The following CCDC171 variants were observed in gnomAD, a reference collection of about 807,000 sequenced individuals.
CCDC171 encodes the protein coiled-coil domain-containing protein 171.
A neutral mutation model predicts 168.2 loss-of-function variants in CCDC171; 177 were observed. The ratio of observed to expected loss-of-function variants is 1.05; its 90% CI spans 0.93 to 1.19. The LOEUF is 1.19. CCDC171 is among the 50% of genes most tolerant of loss of function. The pLI is 0.00. For synonymous variants in CCDC171, 687 were observed against 540.8 expected (o/e 1.27, Z -3.75); for missense variants, 1,991 against 1,539.0 (o/e 1.29, Z -4.91).
chr9:15,689,580 G>A (rs368398070), intron 10 of CCDC171, among the ~76,000 whole-genome samples: 55 of 152,064 alleles, frequency 3.6e-4, no homozygotes, highest in African/African-American at 1.2e-3. Context: ...GTGTGATGGC[G>A]CGTATCTGTA....
Position 15,558,082 on chromosome 9 carries a change from T to A in CCDC171, c.-112+4780T>A, listed in dbSNP as rs12683174. Among the ~76,000 whole-genome samples the A allele has an allele frequency of 2.2e-4, 34 of 152,308 alleles. No homozygotes were observed. In the East Asian group the frequency reaches 5.8e-3, roughly 26 times the overall value. ...TTGAACCAGCCTTCCATCCCAGGGA[T>A]GAAGCCAACTTGATCGTGGTGGATA... On this transcript the variant is annotated intron_variant, in intron 1 of 25. Transcript: ENST00000380701.
chr9:15,667,966 AATGTATTCAAATATTATTCAAAT>A (rs1189017566), intron 9 of CCDC171, among the ~76,000 whole-genome samples: 3 of 152,294 alleles, frequency 2.0e-5, no homozygotes, highest in East Asian at 3.9e-4. Context: ...AATACATTTG[AATGTATTCAAATATTATTCAAAT>A]ATGTATTCAA....
intron 1 of CCDC171, among the ~76,000 whole-genome samples, chr9:15,561,002 G>C (rs961181822): frequency 2.6e-5 from 4 of 152,130 alleles, no homozygotes; most frequent in Non-Finnish European, 5.9e-5. Flanking sequence ...TTCAGACCCT[G>C]TTTGCCTGGA....
chr9:15,576,029 T>A (rs1172180543), intron 3 of CCDC171, among the ~76,000 whole-genome samples: 1 of 151,520 alleles, frequency 6.6e-6, no homozygotes, highest in Admixed American at 6.6e-5. Context: ...GAGGCAGAGG[T>A]TGCAGTGAGC....
intron 1 of CCDC171, among the ~76,000 whole-genome samples, chr9:16,045,908 A>C (rs905311716): frequency 6.6e-6 from 1 of 152,206 alleles, no homozygotes. Flanking sequence ...TGGGATATAC[A>C]CATTCTCAGA....
At chr9:15,946,155 T>C (rs952307809) in intron 25 of CCDC171, among the ~76,000 whole-genome samples, 89 of 152,090 alleles carry the variant, frequency 5.9e-4, no homozygotes, top group Non-Finnish European at 6.5e-4. Flanking sequence ...CCCCATTGCT[T>C]GTTTTTCTCA....
intron 1 of CCDC171, among the ~76,000 whole-genome samples, chr9:15,559,500 CTCTTTTGA>C (rs978140658): frequency 2.6e-5 from 4 of 152,068 alleles, no homozygotes; most frequent in African/African-American, 7.2e-5. Flanking sequence ...CCTTCTTTGT[CTCTTTTGA>C]TCTTTGTTAG....
chr9:15,986,290 A>G (rs1831984647), intron 3 of CCDC171, among the ~76,000 whole-genome samples: 1 of 152,252 alleles, frequency 6.6e-6, no homozygotes, highest in African/African-American at 2.4e-5. Flanking sequence ...ACACAAGCTG[A>G]TAACTAGTGT....
intron 21 of CCDC171, among the ~76,000 whole-genome samples, chr9:15,826,598 G>T (rs899526093): frequency 1.4e-4 from 22 of 152,266 alleles, no homozygotes; most frequent in African/African-American, 5.3e-4. Context: ...GAAAGCCTGG[G>T]TCACATCGTG....
At chr9:16,081,658 AT>A in the CCDC171 span, among the ~76,000 whole-genome samples, 15 of 151,432 alleles carry the variant, frequency 9.9e-5, no homozygotes, top group African/African-American at 3.1e-4. Context: ...GGGGTAATAC[AT>A]TTTTTTTTAT....
At chr9:15,852,223 C>T (rs1031213479) in intron 23 of CCDC171, among the ~76,000 whole-genome samples, 8 of 151,738 alleles carry the variant, frequency 5.3e-5, no homozygotes, top group African/African-American at 1.7e-4. Flanking sequence ...TCTTATTTTT[C>T]CACATCCTTG....
chr9:15,987,351 C>T (rs1224368559), intron 3 of CCDC171, among the ~76,000 whole-genome samples: 3 of 152,020 alleles, frequency 2.0e-5, no homozygotes, highest in Admixed American at 6.6e-5. Flanking sequence ...CAAAATCATC[C>T]ATATTCCAAA....
chr9:16,059,606 C>G, intron 1 of CCDC171, among the ~76,000 whole-genome samples: 1 of 147,340 alleles, frequency 6.8e-6, no homozygotes, highest in Non-Finnish European at 1.5e-5. Context: ...GCTCCGCTTC[C>G]CAGGTTCACG....
intron 23 of CCDC171, among the ~76,000 whole-genome samples, chr9:15,852,300 T>A (rs189814596): frequency 7.8e-4 from 118 of 151,974 alleles, no homozygotes; most frequent in African/African-American, 2.7e-3. Context: ...TATCTCACTA[T>A]GGTTTTGATT....
At chr9:16,001,308 T>C (rs924577293) in intron 3 of CCDC171, among the ~76,000 whole-genome samples, 3 of 152,138 alleles carry the variant, frequency 2.0e-5, no homozygotes, top group Admixed American at 6.6e-5. Context: ...CCTCTCTCTC[T>C]TGAAGAAAAC....
rs183867978 is a variant in CCDC171, at chr9:15,602,760, C to T, written c.675+8588C>T. On this transcript the variant is annotated intron_variant, in intron 6 of 25. Coordinates refer to ENST00000380701, the MANE Select transcript of CCDC171 (RefSeq NM_173550.4). ...AACCTCTCCGCCTCCCGGGTTTAAG[C>T]GATTCTCCTGCCTCAGTCTCCTGAG... Among the ~76,000 whole-genome samples, 341 of 148,188 alleles carry T rather than the reference C, an allele frequency of 2.3e-3. 1 individual carries two copies. Among genetic ancestry groups the T allele is most frequent in the African/African-American group, 8.2e-3 (327 of 40,096 alleles).
At chr9:15,739,719 A>G (rs1471410097) in intron 16 of CCDC171, among the ~76,000 whole-genome samples, 1 of 151,326 alleles carries the variant, frequency 6.6e-6, no homozygotes, top group Non-Finnish European at 1.5e-5. Context: ...ACTTTGAGAC[A>G]AAATTATTTA....
At position 15,729,723 on chromosome 9, in the gene CCDC171, C is replaced by G; in HGVS notation, c.1974C>G (p.Ser658Arg). 1 of 1,613,510 alleles carries G rather than the reference C, an allele frequency of 6.2e-7. No individual in the cohort carries two copies. The highest frequency in any genetic ancestry group is 8.5e-7 in the Non-Finnish European group (1 of 1,179,568). Residue 658 changes from serine (S) to arginine (R), a missense_variant, in exon 16 of 26, where the codon AGC (serine) becomes AGG (arginine). Coordinates refer to ENST00000380701, the MANE Select transcript of CCDC171 (RefSeq NM_173550.4). Reference protein sequence around the residue: ...KVAEQIKAQESCWHRQKKELE... With the variant: ...KVAEQIKAQERCWHRQKKELE... ...CAGAACAGATCAAAGCCCAAGAGAG[C>G]TGCTGGCACAGACAAAAGAAGGAAC...
At chr9:15,878,872 G>A (rs561731000) in intron 24 of CCDC171, among the ~76,000 whole-genome samples, 2 of 152,138 alleles carry the variant, frequency 1.3e-5, no homozygotes, top group South Asian at 4.1e-4. Context: ...AATCTAACAC[G>A]GGAACAGAAA....
Sources: allele counts gnomAD v4.1 joint callset (sites outside exome capture counted in the v4.1 genomes callset), GRCh38; gene constraint gnomAD v4.1.1; transcripts MANE v1.5; gene names NCBI Gene and HGNC (gene_info 2026-07-23, HGNC 2026-07-21).